The following CCDC91 variants were observed in gnomAD, a reference collection of about 807,000 sequenced individuals.
CCDC91 encodes the protein coiled-coil domain containing 91.
CCDC91 carries 48 observed loss-of-function variants against 63.2 expected under a neutral mutation model. The observed-to-expected ratio is 0.76, with a 90% CI of 0.60 to 0.97. The LOEUF (loss-of-function observed/expected upper bound fraction) is 0.97, where lower values mean the gene tolerates loss of function less well. CCDC91 is among the 50% of genes least tolerant of loss of function. CCDC91 has a pLI of 0.00. For missense variants in CCDC91, 500 were observed against 494.6 expected, an observed-to-expected ratio of 1.01 and a Z score of -0.10; for synonymous variants, 167 against 165.8, an observed-to-expected ratio of 1.01 and a Z score of -0.06.
chr12:28,384,421 G>A (rs934174750), intron 7 of CCDC91, among the ~76,000 whole-genome samples: 5 of 152,026 alleles, frequency 3.3e-5, no homozygotes, highest in Admixed American at 6.6e-5. Flanking sequence ...CATGCATGGT[G>A]CATGAATTAT....
chr12:28,287,826 A>G (rs1042148313), intron 3 of CCDC91, among the ~76,000 whole-genome samples: 1 of 152,138 alleles, frequency 6.6e-6, no homozygotes, highest in African/African-American at 2.4e-5. Context: ...GATTCTTTCT[A>G]TCCATGAGTG....
chr12:28,233,558 G>A (rs1592059637), intron 1 of CCDC91, among the ~76,000 whole-genome samples: 1 of 152,106 alleles, frequency 6.6e-6, no homozygotes, highest in Non-Finnish European at 1.5e-5. Flanking sequence ...GACCCAAATA[G>A]GAAGTAGTTC....
At chr12:28,464,470 A>G (rs1289602395) in intron 11 of CCDC91, among the ~76,000 whole-genome samples, 2 of 152,170 alleles carry the variant, frequency 1.3e-5, no homozygotes, top group Admixed American at 6.5e-5. Context: ...AACAGTAGGG[A>G]GGACTTTGTC....
At chr12:28,451,871 A>G (rs1261339840) in intron 10 of CCDC91, among the ~76,000 whole-genome samples, 2 of 151,648 alleles carry the variant, frequency 1.3e-5, no homozygotes, top group African/African-American at 2.4e-5. Flanking sequence ...CCTACAACCT[A>G]TCTGTGTGAG....
chr12:28,408,105 G>A (rs1947082821), intron 8 of CCDC91, among the ~76,000 whole-genome samples: 2 of 151,944 alleles, frequency 1.3e-5, no homozygotes, highest in Non-Finnish European at 2.9e-5. Flanking sequence ...ACATGCATTA[G>A]GTATTTGTCC....
At chr12:28,503,507 C>T (rs1198127833) in intron 12 of CCDC91, among the ~76,000 whole-genome samples, 2 of 152,124 alleles carry the variant, frequency 1.3e-5, no homozygotes, top group African/African-American at 4.8e-5. Flanking sequence ...CTAGTTCAAC[C>T]ATTGTGGAAG....
chr12:28,398,593 T>C (rs1048447446), intron 8 of CCDC91, among the ~76,000 whole-genome samples: 12 of 152,172 alleles, frequency 7.9e-5, no homozygotes, highest in African/African-American at 2.9e-4. Flanking sequence ...ACTGCCAAAA[T>C]TTTTTCCAAA....
intron 8 of CCDC91, among the ~76,000 whole-genome samples, chr12:28,414,946 A>G (rs1215562364): frequency 6.6e-6 from 1 of 152,188 alleles, no homozygotes; most frequent in Non-Finnish European, 1.5e-5. Flanking sequence ...ATGCATTAAC[A>G]CTTTCATCAT....
chr12:28,307,860 T>A lies in CCDC91; in HGVS notation c.576+111T>A, dbSNP rs189548703. The A allele has an allele frequency of 3.9e-3, 2,611 of 665,298 alleles. 16 individuals carry two copies. The highest frequency in any genetic ancestry group is 4.7e-3 in the Non-Finnish European group (1,800 of 379,682). The allele number at this position is 665,298 out of a possible 1,614,324, so 41.2% of individuals were successfully genotyped here. On this transcript the variant is annotated intron_variant, in intron 6 of 12. Coordinates refer to ENST00000536442, the MANE Select transcript of CCDC91 (RefSeq NM_018318.5). The stretch of plus-strand genomic sequence containing the variant: ...TATGAATGAAGAATCAGATACTTGC[T>A]TAAATATATAAAACTGACCAACATG...
chr12:28,296,759 C>T (rs941544373), intron 3 of CCDC91, among the ~76,000 whole-genome samples: 1 of 151,856 alleles, frequency 6.6e-6, no homozygotes, highest in African/African-American at 2.4e-5. Context: ...GAAATGTGTA[C>T]ACTTAGTTTC....
At chr12:28,306,448 C>A (rs1938736807) in intron 4 of CCDC91, among the ~76,000 whole-genome samples, 1 of 151,966 alleles carries the variant, frequency 6.6e-6, no homozygotes, top group South Asian at 2.1e-4. Context: ...TATGTCTATC[C>A]TTATTCATAC....
chr12:28,357,754 A>G (rs1412905575), intron 6 of CCDC91, among the ~76,000 whole-genome samples: 2 of 152,130 alleles, frequency 1.3e-5, no homozygotes, highest in Non-Finnish European at 2.9e-5. Flanking sequence ...ATCCTCATTT[A>G]TAAAATGAAC....
chr12:28,285,433 T>C (rs1343359528), intron 3 of CCDC91, among the ~76,000 whole-genome samples: 4 of 151,840 alleles, frequency 2.6e-5, no homozygotes, highest in Admixed American at 2.6e-4. Context: ...GAAATTTCTG[T>C]GCCAGAGACT....
intron 8 of CCDC91, among the ~76,000 whole-genome samples, chr12:28,433,940 C>T (rs1457644083): frequency 4.6e-5 from 7 of 151,688 alleles, no homozygotes; most frequent in Non-Finnish European, 1.0e-4. Flanking sequence ...ATTACTATTT[C>T]CTTTGTTGGA....
chr12:28,273,347 A>G (rs1281134236), intron 3 of CCDC91, among the ~76,000 whole-genome samples: 2 of 152,146 alleles, frequency 1.3e-5, no homozygotes, highest in Non-Finnish European at 2.9e-5. Context: ...TCCTTTGGGT[A>G]TATACCCAGT....
chr12:28,448,277 A>G (rs1277028884), intron 8 of CCDC91, among the ~76,000 whole-genome samples: 2 of 152,184 alleles, frequency 1.3e-5, no homozygotes, highest in African/African-American at 4.8e-5. Context: ...GTACTACTAC[A>G]TATAAAGCAC....
intron 2 of CCDC91, among the ~76,000 whole-genome samples, chr12:28,258,710 G>T (rs1349220805): frequency 2.0e-5 from 3 of 151,964 alleles, no homozygotes; most frequent in African/African-American, 7.2e-5. Flanking sequence ...GCAACTCAGT[G>T]GAGAATACAC....
intron 1 of CCDC91, among the ~76,000 whole-genome samples, chr12:28,205,636 G>T (rs772966779): frequency 6.6e-6 from 1 of 152,180 alleles, no homozygotes; most frequent in Non-Finnish European, 1.5e-5. Context: ...GCAATTGGAA[G>T]TGAGGTATAG....
chr12:28,526,889 A>G (rs1464177346), intron 12 of CCDC91, among the ~76,000 whole-genome samples: 3 of 151,734 alleles, frequency 2.0e-5, no homozygotes, highest in Admixed American at 6.6e-5. Context: ...TGCTTGTTCA[A>G]TTCTATTGCT....
Sources: gnomAD v4.1 joint callset for allele counts (sites outside exome capture counted in the v4.1 genomes callset) on GRCh38, gnomAD v4.1.1 for gene constraint, MANE v1.5 for transcripts, NCBI Gene and HGNC (gene_info 2026-07-23, HGNC 2026-07-21) for gene names.